The following RBFOX3 variants were observed in gnomAD, a reference collection of about 807,000 sequenced individuals.
The protein encoded by RBFOX3 is RNA binding protein fox-1 homolog 3.
RBFOX3 carries 17 observed loss-of-function variants against 48.7 expected under a neutral mutation model. The observed-to-expected ratio is 0.35, with a 90% CI of 0.24 to 0.52. The LOEUF is 0.52. RBFOX3 is among the 20% of genes least tolerant of loss of function. The probability of loss-of-function intolerance (pLI) is 0.94; values close to 1 mark genes in which losing one functional copy is unlikely to be tolerated. For synonymous variants in RBFOX3, 212 were observed against 209.5 expected, an observed-to-expected ratio of 1.01 and a Z score of -0.10; for missense variants, 382 against 497.5, an observed-to-expected ratio of 0.77 and a Z score of 2.21.
At chr17:79,118,590 T>A (rs1174189680) in intron 4 of RBFOX3, among the ~76,000 whole-genome samples, 1 of 151,728 alleles carries the variant, frequency 6.6e-6, no homozygotes, top group African/African-American at 2.4e-5. Context: ...GGGAGATGAA[T>A]TTGCTGATAA....
intron 1 of RBFOX3, among the ~76,000 whole-genome samples, chr17:79,485,206 C>A (rs894939378): frequency 6.6e-6 from 1 of 152,118 alleles, no homozygotes; most frequent in Admixed American, 6.5e-5. Context: ...GCCTTTGAGG[C>A]GGATGGAGCC....
intron 1 of RBFOX3, among the ~76,000 whole-genome samples, chr17:79,610,272 G>A (rs1436346955): frequency 2.6e-5 from 4 of 151,956 alleles, no homozygotes; most frequent in Admixed American, 6.6e-5. Context: ...GCTCTCTCCG[G>A]GCCTGGGTGC....
chr17:79,528,100 T>C (rs2087055335), intron 1 of RBFOX3, among the ~76,000 whole-genome samples: 1 of 151,320 alleles, frequency 6.6e-6, no homozygotes, highest in Non-Finnish European at 1.5e-5. Flanking sequence ...GAGGAGAATC[T>C]TAGTTGAACC....
intron 2 of RBFOX3, among the ~76,000 whole-genome samples, chr17:79,381,968 C>T (rs1188531131): frequency 6.6e-6 from 1 of 152,190 alleles, no homozygotes; most frequent in African/African-American, 2.4e-5. Flanking sequence ...CAAAACGTCT[C>T]CAAGGACAGC....
chr17:79,275,150 C>CTCTCTCTCTCTCTG (rs2068542144), intron 3 of RBFOX3, among the ~76,000 whole-genome samples: 3 of 146,910 alleles, frequency 2.0e-5, no homozygotes, highest in Non-Finnish European at 3.0e-5. Flanking sequence ...CTCTCTCTCT[C>CTCTCTCTCTCTCTG]TGTCTCCCTC....
intron 5 of RBFOX3, among the ~76,000 whole-genome samples, chr17:79,113,125 T>G (rs1372057516): frequency 1.3e-5 from 2 of 151,786 alleles, no homozygotes; most frequent in African/African-American, 4.8e-5. Context: ...GAGGCTCGAG[T>G]GAGCTGAAAG....
At chr17:79,164,445 T>C (rs1405134736) in intron 4 of RBFOX3, among the ~76,000 whole-genome samples, 1 of 152,152 alleles carries the variant, frequency 6.6e-6, no homozygotes, top group Non-Finnish European at 1.5e-5. Flanking sequence ...ACAGGGGCTC[T>C]GCGGCCTGGT....
intron 3 of RBFOX3, among the ~76,000 whole-genome samples, chr17:79,251,302 C>T (rs544690341): frequency 6.6e-6 from 1 of 152,270 alleles, no homozygotes; most frequent in African/African-American, 2.4e-5. Flanking sequence ...CTGGTGCCAA[C>T]GTCACTCAAC....
intron 4 of RBFOX3, among the ~76,000 whole-genome samples, chr17:79,139,060 C>A (rs1479134251): frequency 6.8e-6 from 1 of 147,236 alleles, no homozygotes; most frequent in Non-Finnish European, 1.5e-5. Context: ...CGTGTTCACA[C>A]CCCTCACCCA....
At chr17:79,322,702 T>C (rs997675907) in intron 2 of RBFOX3, among the ~76,000 whole-genome samples, 2 of 152,116 alleles carry the variant, frequency 1.3e-5, no homozygotes, top group African/African-American at 2.4e-5. Context: ...AAGCAGCTTC[T>C]AGGGGTCTGG....
At chr17:79,200,530 G>A (rs921226415) in intron 4 of RBFOX3, among the ~76,000 whole-genome samples, 1 of 152,224 alleles carries the variant, frequency 6.6e-6, no homozygotes, top group Non-Finnish European at 1.5e-5. Context: ...GAGGGACAGC[G>A]GTGGCCGAGC....
chr17:79,160,817 T>C (rs1398858173), intron 4 of RBFOX3, among the ~76,000 whole-genome samples: 1 of 152,002 alleles, frequency 6.6e-6, no homozygotes. Flanking sequence ...TTGTCTCTAC[T>C]AGAAATACAA....
chr17:79,110,089 A>G (rs1426213774), intron 5 of RBFOX3, among the ~76,000 whole-genome samples: 1 of 144,494 alleles, frequency 6.9e-6, no homozygotes, highest in East Asian at 2.0e-4. Flanking sequence ...AGCAGCCTCC[A>G]CCGCCTTTCC....
intron 4 of RBFOX3, among the ~76,000 whole-genome samples, chr17:79,182,698 A>G (rs1234760081): frequency 6.6e-6 from 1 of 151,806 alleles, no homozygotes; most frequent in Non-Finnish European, 1.5e-5. Flanking sequence ...CAAGATTGCA[A>G]AAGTCTGGCC....
chr17:79,313,258 G>A (rs2077092430), intron 2 of RBFOX3, among the ~76,000 whole-genome samples: 1 of 152,190 alleles, frequency 6.6e-6, no homozygotes, highest in African/African-American at 2.4e-5. Flanking sequence ...GCAGGGCTGG[G>A]GGAGGCTCGA....
chr17:79,357,174 G>A (rs916489430), intron 2 of RBFOX3, among the ~76,000 whole-genome samples: 9 of 152,198 alleles, frequency 5.9e-5, no homozygotes, highest in South Asian at 2.1e-4. Context: ...ATCCTAAAAC[G>A]CAAACACAAG....
chr17:79,536,301 A>AG (rs2088735194), intron 1 of RBFOX3, among the ~76,000 whole-genome samples: 2 of 152,098 alleles, frequency 1.3e-5, no homozygotes, highest in Admixed American at 1.3e-4. Flanking sequence ...TGAACTTTTG[A>AG]CCTCAAATGA....
intron 2 of RBFOX3, among the ~76,000 whole-genome samples, chr17:79,327,781 C>T (rs547362909): frequency 2.6e-5 from 4 of 152,240 alleles, no homozygotes; most frequent in East Asian, 3.9e-4. Flanking sequence ...CTGCAACCTC[C>T]GCCTCCTGGG....
rs58461275 is a variant in RBFOX3 at position 79,225,291 on chromosome 17, C to CTTTTT, written c.-34+10470_-34+10474dup. On this transcript the variant is annotated intron_variant, in intron 4 of 14. Coordinates refer to ENST00000693108, the MANE Select transcript of RBFOX3 (RefSeq NM_001350451.2). ...AGCACTGCTGTCCCCTCCCTCCATT[C>CTTTTT]TTTTTTTTTTTTTTTTTTAGACAGG... Among the ~76,000 whole-genome samples the CTTTTT allele has an allele frequency of 1.6e-3, 204 of 128,108 alleles. 2 individuals are homozygous for CTTTTT. Among genetic ancestry groups the CTTTTT allele is most frequent in the African/African-American group, 5.6e-3 (189 of 34,008 alleles). 84.0% of individuals were successfully genotyped at this position (128,108 alleles called of 152,430 possible).
Sources: allele counts gnomAD v4.1 joint callset (sites outside exome capture counted in the v4.1 genomes callset), GRCh38; gene constraint gnomAD v4.1.1; transcripts MANE v1.5; gene names NCBI Gene and HGNC (gene_info 2026-07-23, HGNC 2026-07-21).